SFR1: variants seen among roughly 807,000 people sequenced by gnomAD.
SFR1 encodes the protein swi5-dependent recombination DNA repair protein 1 homolog.
Under a neutral mutation model 26.2 loss-of-function variants are expected in SFR1, and 24 were observed. The observed-to-expected ratio is 0.92, with a 90% CI of 0.66 to 1.29. The LOEUF (loss-of-function observed/expected upper bound fraction) is 1.29. SFR1 is among the 50% of genes most tolerant of loss of function. SFR1 has a pLI of 0.00. For missense variants in SFR1, 276 were observed against 270.2 expected (o/e 1.02, Z -0.15); for synonymous variants, 77 against 96.6 (o/e 0.80, Z 1.19).
rs2087020694 is a variant in SFR1, at chr10:104,125,776, T to G, written c.*72T>G. The G allele has an allele frequency of 6.4e-6, 7 of 1,100,858 alleles. No homozygotes were observed. In the South Asian group the frequency reaches 1.1e-4, roughly 17 times the overall value. 68.2% of individuals were successfully genotyped at this position (1,100,858 alleles called of 1,614,324 possible). Reference sequence around the variant, plus strand: ...AAAAGATACTTAGGCACTTTTTTTTTTTTTTTGAGACTGAGTTTCGCTCTT... The same window carrying G: ...AAAAGATACTTAGGCACTTTTTTTTGTTTTTTGAGACTGAGTTTCGCTCTT... On this transcript the variant is annotated 3_prime_UTR_variant, in exon 4 of 4. Coordinates refer to ENST00000369727, the MANE Select transcript of SFR1 (RefSeq NM_001002759.2).
upstream of SFR1, among the ~76,000 whole-genome samples, chr10:104,120,378 G>C (rs1374493296): frequency 6.6e-6 from 1 of 152,092 alleles, no homozygotes; most frequent in Non-Finnish European, 1.5e-5. Context: ...TAAATTCCTT[G>C]GGGTTAACTT....
In SFR1 at chr10:104,123,034, C is replaced by T. The variant is rs759862195; in HGVS notation, c.83C>T (p.Pro28Leu). Reference protein sequence around the residue: ...SDSAVVLPSTPQASANPSSPY... With the variant: ...SDSAVVLPSTLQASANPSSPY... ...TCAGCTGTGGTTTTACCTAGCACTCCTCAGGCCTCTGCGAATCCATCATCT... is the reference window on the plus strand; with the variant it reads ...TCAGCTGTGGTTTTACCTAGCACTCTTCAGGCCTCTGCGAATCCATCATCT... Residue 28 changes from proline (P) to leucine (L), a missense_variant, in exon 2 of 4, where the codon CCT becomes CTT. Physicochemically the swap from Pro to Leu is moderately conservative, Grantham distance 98 (BLOSUM62 -3). Transcript: ENST00000369727. 6 of 1,608,882 alleles carry T rather than the reference C, an allele frequency of 3.7e-6. No individual in the cohort carries two copies. Among genetic ancestry groups the T allele is most frequent in the South Asian group, 3.3e-5 (3 of 90,328 alleles).
chr10:104,120,993 A>G (rs534422670), upstream of SFR1, among the ~76,000 whole-genome samples: 2 of 152,152 alleles, frequency 1.3e-5, no homozygotes, highest in Admixed American at 1.3e-4. Context: ...GAAATTCCCA[A>G]CTTCCACGTG....
At position 104,123,495 on chromosome 10, in the gene SFR1, CTT is replaced by C. The variant is rs541090091; in HGVS notation, c.136-216_136-215del. The C allele has an allele frequency of 6.8e-6, 3 of 438,928 alleles. No individual in the cohort carries two copies. The East Asian group carries it at 1.1e-4, about 17-fold the overall frequency. The allele number at this position is 438,928 out of a possible 1,614,324, so 27.2% of individuals were successfully genotyped here. ...GATTACTGGGATAAACTTCTCAACACTTTTGGAAAGGTGTTGATCTTGCTGAA... is the reference window on the plus strand; with the variant it reads ...GATTACTGGGATAAACTTCTCAACACTTGGAAAGGTGTTGATCTTGCTGAA... On this transcript the variant is annotated intron_variant, in intron 2 of 3. Coordinates refer to ENST00000369727, the MANE Select transcript of SFR1 (RefSeq NM_001002759.2).
At chr10:104,120,757 G>A (rs1265339430), upstream of SFR1, among the ~76,000 whole-genome samples, 3 of 152,142 alleles carry the variant, frequency 2.0e-5, no homozygotes, top group African/African-American at 7.2e-5. Flanking sequence ...ATAAAGTATG[G>A]TGCCAGGATT....
chr10:104,124,132 GA>G lies in SFR1; in HGVS notation c.546+10del. ...AAAATGTATAGATCAAAGGTGAGAA[GA>G]ATTTCAGGACCATTGCATAATTTTT... is the stretch of plus-strand genomic sequence containing the variant. On this transcript the variant is annotated intron_variant, in intron 3 of 3. Transcript: ENST00000369727. 6.6e-7 allele frequency: 1 copy of G among 1,517,878 alleles called. No individual in the cohort carries two copies. The highest frequency in any genetic ancestry group is 1.3e-5 in the South Asian group (1 of 75,338). The allele number at this position is 1,517,878 out of a possible 1,614,324, so 94.0% of individuals were successfully genotyped here.
rs748355312 is a variant in SFR1 at position 104,123,001 on chromosome 10, C to T, written c.50C>T (p.Pro17Leu). 1.2e-5 allele frequency: 20 copies of T among 1,613,514 alleles called. No individual in the cohort carries two copies. In the Admixed American group the frequency reaches 2.7e-4, roughly 22 times the overall value. ...NQDFTFKMES[P>L]SDSAVVLPST... is the part of the protein sequence containing the mutation. ...GATTTCACTTTCAAGATGGAAAGTC[C>T]GTCAGACTCAGCTGTGGTTTTACCT... Residue 17 changes from proline (P) to leucine (L), a missense_variant, in exon 2 of 4, where the codon CCG (proline) becomes CTG (leucine). By Grantham distance (98) the Pro-to-Leu change is moderately conservative. Coordinates refer to ENST00000369727, the MANE Select transcript of SFR1 (RefSeq NM_001002759.2).
chr10:104,125,880 C>T lies in SFR1; in HGVS notation c.*176C>T, dbSNP rs1371590496. The stretch of plus-strand genomic sequence containing the variant: ...TCTCGGGTTCCAGCAATTCTCCTGC[C>T]TCAGCCTCCCGAGTAGCTGAGATTA... On this transcript the variant is annotated 3_prime_UTR_variant, in exon 4 of 4. Coordinates refer to ENST00000369727, the MANE Select transcript of SFR1 (RefSeq NM_001002759.2). 2 of 452,520 alleles carry T rather than the reference C, an allele frequency of 4.4e-6. No homozygotes were observed. The highest frequency in any genetic ancestry group is 4.0e-5 in the African/African-American group (2 of 49,972). 28.0% of individuals were successfully genotyped at this position (452,520 alleles called of 1,614,324 possible).
intron 2 of SFR1, 113 bp from the exon 3 acceptor site, chr10:104,123,601 A>G (rs1195139746): frequency 2.8e-6 from 2 of 723,740 alleles, no homozygotes; most frequent in Non-Finnish European, 2.1e-6. Context: ...TGGAGACAGA[A>G]AGCCATCTAG....
Position 104,125,815 on chromosome 10 carries a change from G to T in SFR1, c.*111G>T, listed in dbSNP as rs1172824618. On this transcript the variant is annotated 3_prime_UTR_variant, in exon 4 of 4. Transcript: ENST00000369727. The stretch of plus-strand genomic sequence containing the variant: ...AGTTTCGCTCTTGTCATCCTGGCTG[G>T]AGTGTGATGGTGCGATCTTGACTCA... 5 of 684,306 alleles carry T rather than the reference G, an allele frequency of 7.3e-6. No individual in the cohort carries two copies. The East Asian group carries it at 1.4e-4, about 19-fold the overall frequency. 42.4% of individuals were successfully genotyped at this position (684,306 alleles called of 1,614,324 possible). A position where few individuals can be genotyped will look rare whatever the true frequency, so the allele number is the denominator to read the frequency against.
Position 104,123,840 on chromosome 10 carries a change from G to A in SFR1, c.262G>A (p.Ala88Thr), listed in dbSNP as rs1220084707. 8.1e-6 allele frequency: 13 copies of A among 1,612,936 alleles called. No homozygotes were observed. The highest frequency in any genetic ancestry group is 2.2e-5 in the East Asian group (1 of 44,846). Residue 88 changes from alanine (A) to threonine (T), a missense_variant, in exon 3 of 4, where the codon GCA becomes ACA. Coordinates refer to ENST00000369727, the MANE Select transcript of SFR1 (RefSeq NM_001002759.2). ...TGATCAGACCTTTTCAGAGAAACCA[G>A]CATCTTCCACAGAGGAAAACTGTTT... is the stretch of plus-strand genomic sequence containing the variant. ...ENDQTFSEKPASSTEENCLEF... is the reference protein window; with the variant it reads ...ENDQTFSEKPTSSTEENCLEF...
chr10:104,122,063 C>G, upstream of SFR1: 1 of 1,216,658 alleles, frequency 8.2e-7, no homozygotes, highest in Non-Finnish European at 1.2e-6. Context: ...AGTGAAGCGG[C>G]GCCTCGCGCG....
upstream of SFR1, chr10:104,122,079 C>T (rs930058545): frequency 4.5e-6 from 6 of 1,347,576 alleles, no homozygotes; most frequent in African/African-American, 8.8e-5. Context: ...GCGCGTCAGG[C>T]AATCTGGCCA....
chr10:104,121,517 GA>G (rs2086960607), upstream of SFR1, among the ~76,000 whole-genome samples: 1 of 152,172 alleles, frequency 6.6e-6, no homozygotes, highest in African/African-American at 2.4e-5. Context: ...CACCACGCTG[GA>G]ATAGGCTGGA....
chr10:104,125,620 C>T lies in SFR1; in HGVS notation c.654C>T (p.Ser218=), dbSNP rs1021552811. The change falls in exon 4 of 4, where the codon AGC becomes AGT. Residue 218 remains serine, a synonymous_variant. Coordinates refer to ENST00000369727, the MANE Select transcript of SFR1 (RefSeq NM_001002759.2). ...SAVSEENKKL[S]LTQLIDHYGL... ...TGTCTGAAGAGAACAAGAAACTAAG[C>T]CTTACTCAATTGATAGACCACTATG... 2.5e-5 allele frequency: 41 copies of T among 1,612,958 alleles called. No homozygotes were observed. Among genetic ancestry groups the T allele is most frequent in the Middle Eastern group, 3.3e-4 (2 of 6,074 alleles).
chr10:104,125,749 T>C lies in SFR1; in HGVS notation c.*45T>C. 7.3e-7 allele frequency: 1 copy of C among 1,378,714 alleles called. No homozygotes were observed. 85.4% of individuals were successfully genotyped at this position (1,378,714 alleles called of 1,614,324 possible). A position where few individuals can be genotyped will look rare whatever the true frequency, so the allele number is the denominator to read the frequency against. ...AATATCTTTGAGAATGACAACTTAATTAAAAGATACTTAGGCACTTTTTTT... is the reference window on the plus strand; with the variant it reads ...AATATCTTTGAGAATGACAACTTAACTAAAAGATACTTAGGCACTTTTTTT... On this transcript the variant is annotated 3_prime_UTR_variant, in exon 4 of 4. Transcript: ENST00000369727.
chr10:104,122,462 T>C (rs112104292), intron 1 of SFR1: 6 of 985,322 alleles, frequency 6.1e-6, no homozygotes, highest in African/African-American at 5.2e-5. Context: ...CCGCTTAAAC[T>C]AAAAGGCTAC....
rs1474687422 is a variant in SFR1 at position 104,122,199 on chromosome 10, A to G, written c.13+3A>G. The stretch of plus-strand genomic sequence containing the variant: ...CTCGCTGGGAATGGCGGAGGGAGGT[A>G]CCCTGCTGAGGGGAAGGGGGGATCC... On this transcript the variant is annotated splice_donor_region_variant and intron_variant, in intron 1 of 3. Coordinates refer to ENST00000369727, the MANE Select transcript of SFR1 (RefSeq NM_001002759.2). 1.0e-5 allele frequency: 16 copies of G among 1,543,932 alleles called. No individual in the cohort carries two copies. The highest frequency in any genetic ancestry group is 5.9e-5 in the Admixed American group (3 of 50,576).
intron 1 of SFR1, chr10:104,122,663 T>C: frequency 7.5e-7 from 1 of 1,341,984 alleles, no homozygotes; most frequent in Non-Finnish European, 9.6e-7. Context: ...TCTAAAGCTG[T>C]TATTCTTCCC....
Sources: allele counts gnomAD v4.1 joint callset (sites outside exome capture counted in the v4.1 genomes callset), GRCh38; gene constraint gnomAD v4.1.1; transcripts MANE v1.5; gene names NCBI Gene and HGNC (gene_info 2026-07-23, HGNC 2026-07-21).